SEMA4G: variants seen among roughly 807,000 people sequenced by gnomAD.
SEMA4G encodes semaphorin 4G.
In SEMA4G, 59 loss-of-function variants were observed where a neutral mutation model predicts 81.2. The ratio of observed to expected loss-of-function variants is 0.73; its 90% CI spans 0.59 to 0.90. The LOEUF is 0.90. SEMA4G is among the 40% of genes least tolerant of loss of function. SEMA4G has a pLI of 0.00. For synonymous variants in SEMA4G, 404 were observed against 433.9 expected (o/e 0.93, Z 0.86); for missense variants, 952 against 1,102.3 (o/e 0.86, Z 1.93).
chr10:100,980,525 G>T, intron 10 of SEMA4G, 53 bp from the exon 12 acceptor site: 1 of 1,511,522 alleles, frequency 6.6e-7, no homozygotes, highest in East Asian at 2.3e-5. Flanking sequence ...CTTGCAGGGT[G>T]CTGAGAGCAG....
chr10:100,974,003 T>C (rs562683554), intron 3 of SEMA4G, among the ~76,000 whole-genome samples: 1 of 151,386 alleles, frequency 6.6e-6, no homozygotes, highest in African/African-American at 2.4e-5. Context: ...CTTGAACTCC[T>C]GGCCTCAAGC....
upstream of SEMA4G, among the ~76,000 whole-genome samples, chr10:100,970,545 C>CCACACACA (rs35324166): frequency 6.7e-6 from 1 of 149,446 alleles, no homozygotes; most frequent in Non-Finnish European, 1.5e-5. Context: ...TCCCCCATCA[C>CCACACACA]CACACACACA....
Position 100,972,632 on chromosome 10 carries a change from G to C in SEMA4G, c.-281G>C, listed in dbSNP as rs1449004233. The C allele has an allele frequency of 7.6e-6, 3 of 394,566 alleles. No homozygotes were observed. The highest frequency in any genetic ancestry group is 1.4e-5 in the Non-Finnish European group (3 of 218,788). 24.4% of individuals were successfully genotyped at this position (394,566 alleles called of 1,614,324 possible). On this transcript the variant is annotated 5_prime_UTR_variant, in exon 1 of 14. An upstream start codon of the reference 5' UTR is lost. Coordinates refer to ENST00000370250, the Ensembl canonical transcript of SEMA4G. Reference sequence around the variant, plus strand: ...GAACTTCACAACTCCCTCTCACCATGGAGTTTGCATTTGATGCAGAAAGGC... The same window carrying C: ...GAACTTCACAACTCCCTCTCACCATCGAGTTTGCATTTGATGCAGAAAGGC...
exon 10 of SEMA4G, chr10:100,980,123 G>A: frequency 3.1e-6 from 5 of 1,614,200 alleles, no homozygotes; most frequent in Non-Finnish European, 4.2e-6. Flanking sequence ...CCACGCCAGT[G>A]TATCACAGAT....
At chr10:100,984,400 C>T in exon 14 of SEMA4G, 1 of 1,457,562 alleles carries the variant, frequency 6.9e-7, no homozygotes, top group Non-Finnish European at 9.0e-7. Context: ...GACCCAGAGC[C>T]AGTTCCTATC....
downstream of SEMA4G, chr10:100,985,299 T>C (rs1484440106): frequency 1.7e-5 from 3 of 172,838 alleles, no homozygotes; most frequent in Non-Finnish European, 3.7e-5. Context: ...CGGGGCACTT[T>C]CAGGGGCCAG....
chr10:100,985,156 C>T (rs1287105200), downstream of SEMA4G: 4 of 407,410 alleles, frequency 9.8e-6, no homozygotes, highest in African/African-American at 2.0e-5. Flanking sequence ...GCATTTGCTT[C>T]CTCTAGACTA....
At chr10:100,980,503 C>T (rs1851010424) in intron 10 of SEMA4G, 75 bp from the exon 12 acceptor site, 1 of 1,413,848 alleles carries the variant, frequency 7.1e-7, no homozygotes, top group African/African-American at 1.4e-5. Context: ...CTGAGCTGTT[C>T]GTATTAGGCC....
chr10:100,981,282 AT>A, intron 13 of SEMA4G, 53 bp downstream of exon 14: 1 of 1,602,548 alleles, frequency 6.2e-7, no homozygotes, highest in African/African-American at 1.3e-5. Context: ...CCTCTTTGCC[AT>A]TTACTGCCAT....
downstream of SEMA4G, chr10:100,985,011 C>T (rs765696472): frequency 4.7e-5 from 56 of 1,191,906 alleles, no homozygotes; most frequent in Non-Finnish European, 6.0e-5. Context: ...CTGTCTTGGA[C>T]CTGTCTGTTG....
In SEMA4G at chr10:100,975,131, G is replaced by C. The variant is rs769522212; in HGVS notation, c.336+1522G>C. The C allele has an allele frequency of 8.3e-6, 4 of 479,134 alleles. No individual in the cohort carries two copies. The East Asian group carries it at 2.3e-4, about 27-fold the overall frequency. 29.7% of individuals were successfully genotyped at this position (479,134 alleles called of 1,614,324 possible). A position where few individuals can be genotyped will look rare whatever the true frequency, so the allele number is the denominator to read the frequency against. On this transcript the variant is annotated intron_variant, in intron 3 of 13. Coordinates refer to ENST00000370250, the Ensembl canonical transcript of SEMA4G. ...TGGAACCAGGTCATGGAAGGCCACA[G>C]ATGCCCAGCTGGGAGTTTGGGTTTT...
At chr10:100,983,730 C>G in exon 14 of SEMA4G, 2 of 1,613,374 alleles carry the variant, frequency 1.2e-6, no homozygotes, top group Non-Finnish European at 1.7e-6. Flanking sequence ...GGAAGGCAGA[C>G]GAGGGCGCCG....
exon 10 of SEMA4G, chr10:100,980,292 A>G: frequency 6.2e-7 from 1 of 1,614,160 alleles, no homozygotes; most frequent in Non-Finnish European, 8.5e-7. Flanking sequence ...TTACAGGGAC[A>G]CCTGTCACCA....
At chr10:100,978,934 G>T in exon 7 of SEMA4G, 1 of 1,614,156 alleles carries the variant, frequency 6.2e-7, no homozygotes, top group South Asian at 1.1e-5. Context: ...ACTTCTTCAC[G>T]GAGCGTGCCA....
chr10:100,984,598 G>T, exon 14 of SEMA4G: 1 of 1,536,202 alleles, frequency 6.5e-7, no homozygotes. Context: ...CCTAAGCCCT[G>T]CGTACATTCA....
chr10:100,980,884 C>G (rs1453337360), exon 12 of SEMA4G: 3 of 1,610,776 alleles, frequency 1.9e-6, no homozygotes, highest in Non-Finnish European at 2.5e-6. Context: ...GCTGCTCCCG[C>G]TACCGATCCT....
chr10:100,971,469 C>A (rs1011650680), upstream of SEMA4G, among the ~76,000 whole-genome samples: 3 of 152,236 alleles, frequency 2.0e-5, no homozygotes, highest in East Asian at 5.8e-4. Flanking sequence ...TCTGCCCCTG[C>A]AGTGCTGACC....
exon 14 of SEMA4G, chr10:100,983,836 G>T (rs1359315768): frequency 6.3e-7 from 1 of 1,597,190 alleles, no homozygotes; most frequent in African/African-American, 1.3e-5. Context: ...GAAGATGAGG[G>T]TGATGATGAG....
chr10:100,981,404 A>C (rs910577831), intron 13 of SEMA4G, 175 bp downstream of exon 14: 6 of 1,613,424 alleles, frequency 3.7e-6, no homozygotes, highest in South Asian at 2.2e-5. Flanking sequence ...TTACTGCCCA[A>C]ATGAATTATA....
Sources: allele counts gnomAD v4.1 joint callset (sites outside exome capture counted in the v4.1 genomes callset), GRCh38; gene constraint gnomAD v4.1.1; transcripts MANE v1.5; gene names NCBI Gene and HGNC (gene_info 2026-07-23, HGNC 2026-07-21).